MTUS1: variants seen among roughly 807,000 people sequenced by gnomAD.
MTUS1 encodes microtubule-associated tumor suppressor 1.
MTUS1 carries 109 observed loss-of-function variants against 120.8 expected under a neutral mutation model. That is an observed-to-expected ratio of 0.90 (90% CI 0.77 to 1.06). MTUS1 has a LOEUF of 1.06. Among genes scored for constraint, MTUS1 ranks in the 50% least tolerant of loss-of-function variants. The pLI is 0.00. For missense variants in MTUS1, 2,210 were observed against 1,486.3 expected (o/e 1.49, Z -8.01); for synonymous variants, 737 against 550.5 (o/e 1.34, Z -4.74).
At chr8:17,691,422 C>G (rs1338154210) in intron 6 of MTUS1, 1 of 152,270 alleles carries the variant, frequency 6.6e-6, no homozygotes, top group African/African-American at 2.4e-5. Context: ...ACCGCCACAG[C>G]TACCGAAGCT....
Position 17,737,925 on chromosome 8 carries a change from A to T in MTUS1, c.2287+5679T>A, listed in dbSNP as rs116050291. Among the ~76,000 whole-genome samples the T allele has an allele frequency of 9.6e-3, 1,456 of 152,352 alleles. 25 individuals are homozygous for T. The highest frequency in any genetic ancestry group is 0.034 in the African/African-American group (1,399 of 41,588). ...CTCACCTAGAAAAGTTTAAAAGGAT[A>T]TAAAAGTAATTTGAAGAAGATTTGA... On this transcript the variant is annotated intron_variant, in intron 3 of 14. Transcript: ENST00000693296.
intron 6 of MTUS1, among the ~76,000 whole-genome samples, chr8:17,691,698 A>G (rs1261637424): frequency 6.6e-6 from 1 of 152,166 alleles, no homozygotes; most frequent in Non-Finnish European, 1.5e-5. Context: ...AAATGCTAAT[A>G]TATGTGTTTT....
intron 1 of MTUS1, among the ~76,000 whole-genome samples, chr8:17,765,040 C>T (rs1366900001): frequency 6.6e-6 from 1 of 152,162 alleles, no homozygotes; most frequent in Non-Finnish European, 1.5e-5. Flanking sequence ...ACAGTCCCAT[C>T]TGGAAGTGAT....
intron 3 of MTUS1, among the ~76,000 whole-genome samples, chr8:17,741,519 C>T (rs191022904): frequency 7.2e-5 from 11 of 152,310 alleles, no homozygotes; most frequent in African/African-American, 2.4e-4. Flanking sequence ...CTCATCGACA[C>T]AGGATGATAA....
chr8:17,649,748 G>C (rs1329327394), intron 13 of MTUS1, 98 bp downstream of exon 13: 2 of 700,616 alleles, frequency 2.9e-6, no homozygotes, highest in Non-Finnish European at 5.1e-6. Context: ...ATATCTTTAG[G>C]AGCAGTTAAC....
At position 17,679,753 on chromosome 8, in the gene MTUS1, T is replaced by A. The variant is rs61484248; in HGVS notation, c.2839-4501A>T. On this transcript the variant is annotated intron_variant, in intron 7 of 14. Coordinates refer to ENST00000693296, the MANE Select transcript of MTUS1 (RefSeq NM_001363059.2). Reference sequence around the variant, plus strand: ...CTGGACCTCAAGCGATCCACCCGCCTCAGCCTCCCAAAGTGCTGGGATTAC... The same window carrying A: ...CTGGACCTCAAGCGATCCACCCGCCACAGCCTCCCAAAGTGCTGGGATTAC... 3.3e-3 allele frequency among the ~76,000 whole-genome samples: 503 copies of A among 152,322 alleles called. 5 individuals are homozygous for A. The highest frequency in any genetic ancestry group is 9.8e-3 in the African/African-American group (408 of 41,566).
chr8:17,769,568 CG>C (rs1563362034), intron 1 of MTUS1, among the ~76,000 whole-genome samples: 1 of 151,630 alleles, frequency 6.6e-6, no homozygotes, highest in Non-Finnish European at 1.5e-5. Context: ...AGGATGGTCT[CG>C]ATCTCCTGAC....
rs1278754338 is a variant in MTUS1 at position 17,644,508 on chromosome 8, A to G, written c.*1418T>C. The G allele has an allele frequency of 6.6e-6, 1 of 152,608 alleles. No individual in the cohort carries two copies. Among genetic ancestry groups the G allele is most frequent in the African/African-American group, 2.4e-5 (1 of 41,454 alleles). The allele number at this position is 152,608 out of a possible 1,614,324, so 9.5% of individuals were successfully genotyped here. A position where few individuals can be genotyped will look rare whatever the true frequency, so the allele number is the denominator to read the frequency against. On this transcript the variant is annotated 3_prime_UTR_variant, in exon 15 of 15. Transcript: ENST00000693296. ...AGTCTCAGGATTAGGGGAGGTAATA[A>G]GTTTTGGAAAGAAACTGAAATGCAA...
At chr8:17,721,253 G>A (rs1471859866) in intron 4 of MTUS1, among the ~76,000 whole-genome samples, 3 of 152,256 alleles carry the variant, frequency 2.0e-5, no homozygotes, top group South Asian at 2.1e-4. Context: ...TTTTCAGCGC[G>A]AGATGATTTT....
intron 2 of MTUS1, among the ~76,000 whole-genome samples, chr8:17,745,393 G>GTATGTAGATACTATGTAT (rs1163559421): frequency 6.6e-6 from 1 of 152,114 alleles, no homozygotes; most frequent in African/African-American, 2.4e-5. Context: ...TGTTTCAGGT[G>GTATGTAGATACTATGTAT]GATTCAACAT....
chr8:17,655,410 C>A (rs1231418668), intron 9 of MTUS1, among the ~76,000 whole-genome samples: 1 of 152,148 alleles, frequency 6.6e-6, no homozygotes, highest in Non-Finnish European at 1.5e-5. Flanking sequence ...TTTCCTCCTC[C>A]TTTTCTTCCC....
At chr8:17,687,254 T>A (rs1816013406) in intron 6 of MTUS1, among the ~76,000 whole-genome samples, 1 of 152,132 alleles carries the variant, frequency 6.6e-6, no homozygotes, top group Admixed American at 6.5e-5. Flanking sequence ...AAGGATGAAG[T>A]GTGACCGCAT....
At chr8:17,663,731 G>A (rs1810293419) in intron 8 of MTUS1, among the ~76,000 whole-genome samples, 1 of 152,076 alleles carries the variant, frequency 6.6e-6, no homozygotes, top group Non-Finnish European at 1.5e-5. Context: ...GAGTAGCTGG[G>A]ATTACAGGCA....
intron 1 of MTUS1, chr8:17,758,090 T>A (rs562077559): frequency 1.2e-4 from 19 of 152,224 alleles, no homozygotes; most frequent in Non-Finnish European, 2.2e-4. Context: ...GAAAAAAAAA[T>A]ATCCATGAGG....
intron 1 of MTUS1, among the ~76,000 whole-genome samples, chr8:17,787,030 T>C (rs2051358131): frequency 6.6e-6 from 1 of 152,212 alleles, no homozygotes; most frequent in Non-Finnish European, 1.5e-5. Flanking sequence ...CTGACCTCAT[T>C]GCTGAAAAGC....
chr8:17,711,463 T>C (rs910160997), intron 6 of MTUS1, among the ~76,000 whole-genome samples: 1 of 151,498 alleles, frequency 6.6e-6, no homozygotes, highest in African/African-American at 2.4e-5. Flanking sequence ...CTTTTTTTTT[T>C]CTGCAGCTCC....
chr8:17,656,378 AT>A (rs1808230953), intron 8 of MTUS1, among the ~76,000 whole-genome samples: 1 of 151,922 alleles, frequency 6.6e-6, no homozygotes, highest in Admixed American at 6.6e-5. Context: ...AAATACAAAA[AT>A]TAGCCGGGCA....
chr8:17,738,181 C>T (rs2131226892), intron 3 of MTUS1, among the ~76,000 whole-genome samples: 1 of 152,296 alleles, frequency 6.6e-6, no homozygotes, highest in African/African-American at 2.4e-5. Context: ...AAACCAAAAA[C>T]CATCTCTTTC....
In MTUS1 at chr8:17,762,244, A is replaced by G. The variant is rs1158179611; in HGVS notation, c.-154-6283T>C. The stretch of plus-strand genomic sequence containing the variant: ...CAGTGAGCCGAGATCACACCACCAC[A>G]CTCCAGCCCAGGTGACAGAGCAAGA... On this transcript the variant is annotated intron_variant, in intron 1 of 14. Coordinates refer to ENST00000693296, the MANE Select transcript of MTUS1 (RefSeq NM_001363059.2). Among the ~76,000 whole-genome samples, 12 of 152,310 alleles carry G rather than the reference A, an allele frequency of 7.9e-5. No homozygotes were observed. The East Asian group carries it at 2.1e-3, about 27-fold the overall frequency.
Sources: gnomAD v4.1 joint callset for allele counts (sites outside exome capture counted in the v4.1 genomes callset) on GRCh38, gnomAD v4.1.1 for gene constraint, MANE v1.5 for transcripts, NCBI Gene and HGNC (gene_info 2026-07-23, HGNC 2026-07-21) for gene names.